Variants in MDM1 observed in about 807,000 individuals in gnomAD.
MDM1 encodes Mdm1 nuclear protein.
A neutral mutation model predicts 89.1 loss-of-function variants in MDM1; 61 were observed. That is an observed-to-expected ratio of 0.68 (90% confidence interval 0.56 to 0.85). The LOEUF (loss-of-function observed/expected upper bound fraction) is 0.85, where lower values mean the gene tolerates loss of function less well. Among genes scored for constraint, MDM1 ranks in the 40% least tolerant of loss-of-function variants. The pLI is 0.00. For synonymous variants in MDM1, 290 were observed against 294.1 expected (o/e 0.99, Z 0.14); for missense variants, 820 against 846.5 (o/e 0.97, Z 0.39).
chr12:68,326,750 T>C lies in MDM1; in HGVS notation c.405A>G (p.Glu135=), dbSNP rs1181281382. 2.5e-6 allele frequency: 4 copies of C among 1,614,028 alleles called. No individual in the cohort carries two copies. Among genetic ancestry groups the C allele is most frequent in the Non-Finnish European group, 3.4e-6 (4 of 1,180,016 alleles). ...TATGGTTTGTTACACCCTCATTATTTTCCACATCTGAAGCCCCTTCAGCTC... is the reference window on the plus strand; with the variant it reads ...TATGGTTTGTTACACCCTCATTATTCTCCACATCTGAAGCCCCTTCAGCTC... ...DSRAEGASDV[E]NNEGVTNHTP... The change falls in exon 3 of 15, where the codon GAA becomes GAG. Residue 135 remains glutamate (E), a synonymous_variant. Transcript: ENST00000682720.
rs1876081817 is a variant in MDM1, at chr12:68,326,919, T to C, written c.236A>G (p.Asn79Ser). The part of the protein sequence containing the change: ...LEWNGAISES[N>S]VVASPEPEAP... ...TTCTGGTTCTGGTGATGCAACCACA[T>C]TGCTCTCTGAGATAGCTCCATTCCA... Residue 79 changes from asparagine to serine, a missense_variant, in exon 3 of 15, where the codon AAT becomes AGT. Physicochemically the swap from Asn to Ser is conservative, Grantham distance 46 (BLOSUM62 1). Transcript: ENST00000682720. The C allele has an allele frequency of 1.2e-6, 2 of 1,614,012 alleles. No homozygotes were observed. Among genetic ancestry groups the C allele is most frequent in the South Asian group, 1.1e-5 (1 of 91,086 alleles).
At chr12:68,326,506 T>A (rs546648248) in intron 3 of MDM1, 151 bp downstream of exon 3, 1 of 1,550,298 alleles carries the variant, frequency 6.5e-7, no homozygotes, top group South Asian at 1.2e-5. Context: ...ATAACTAAAG[T>A]CAACAGCCTG....
chr12:68,321,393 T>C lies in MDM1; in HGVS notation c.959A>G (p.Tyr320Cys), dbSNP rs776183237. 3.1e-6 allele frequency: 5 copies of C among 1,613,930 alleles called. No individual in the cohort carries two copies. In the Admixed American group the frequency reaches 6.7e-5, roughly 22 times the overall value. The change falls in exon 7 of 15, where the codon TAT (tyrosine) becomes TGT (cysteine). Residue 320 changes from tyrosine to cysteine, a missense_variant. Physicochemically the swap from Tyr to Cys is radical, Grantham distance 194 (BLOSUM62 -2). Coordinates refer to ENST00000682720, the MANE Select transcript of MDM1 (RefSeq NM_001354969.2). The stretch of plus-strand genomic sequence containing the variant: ...TACATGTGTCCAAGCCCCAGCTTTA[T>C]ATAAATACTGAGCTGGGCTCAGAAA... ...AKFLSPAQYL[Y>C]KAGAWTHVKG...
intron 13 of MDM1, among the ~76,000 whole-genome samples, chr12:68,297,195 T>C (rs1293308106): frequency 6.6e-6 from 1 of 152,234 alleles, no homozygotes; most frequent in African/African-American, 2.4e-5. Flanking sequence ...TCATAATTTA[T>C]AATGCACTTA....
Position 68,299,388 on chromosome 12 carries a change from A to T in MDM1, c.2003-2406T>A, listed in dbSNP as rs949054834. On this transcript the variant is annotated intron_variant, in intron 13 of 14. Coordinates refer to ENST00000682720, the MANE Select transcript of MDM1 (RefSeq NM_001354969.2). ...AGGTGAAAACCAACATAAAGAAATT[A>T]AAAAAAAATTCAGGATATGAATGAA... Among the ~76,000 whole-genome samples the T allele has an allele frequency of 9.9e-5, 15 of 151,868 alleles. 1 individual carries two copies. The highest frequency in any genetic ancestry group is 4.2e-4 in the South Asian group (2 of 4,802).
intron 7 of MDM1, among the ~76,000 whole-genome samples, chr12:68,317,389 G>C (rs1009313312): frequency 2.6e-5 from 4 of 151,410 alleles, no homozygotes; most frequent in African/African-American, 9.7e-5. Context: ...CTTTATTCTA[G>C]AATTGCTTTT....
chr12:68,319,607 T>A (rs1220063502), intron 7 of MDM1, among the ~76,000 whole-genome samples: 3 of 152,176 alleles, frequency 2.0e-5, no homozygotes, highest in African/African-American at 7.2e-5. Context: ...ATATTAAATG[T>A]CTATAACCTG....
intron 4 of MDM1, among the ~76,000 whole-genome samples, chr12:68,323,826 T>C (rs1389601096): frequency 6.6e-6 from 1 of 152,190 alleles, no homozygotes; most frequent in Non-Finnish European, 1.5e-5. Flanking sequence ...AGTCAAGTTA[T>C]ATTACTGCTT....
In MDM1 at chr12:68,313,385, C is replaced by T. The variant is rs1039753180; in HGVS notation, c.1749+58G>A. 7.7e-6 allele frequency: 9 copies of T among 1,161,672 alleles called. No homozygotes were observed. In the East Asian group the frequency reaches 9.3e-5, roughly 12 times the overall value. 72.0% of individuals were successfully genotyped at this position (1,161,672 alleles called of 1,614,324 possible). A position where few individuals can be genotyped will look rare whatever the true frequency, so the allele number is the denominator to read the frequency against. On this transcript the variant is annotated intron_variant, in intron 12 of 14. Coordinates refer to ENST00000682720, the MANE Select transcript of MDM1 (RefSeq NM_001354969.2). Reference sequence around the variant, plus strand: ...ATCTTAACCCATCATTCATTTATTACATGTGTCTACAATAATTAGTCCTAG... The same window carrying T: ...ATCTTAACCCATCATTCATTTATTATATGTGTCTACAATAATTAGTCCTAG...
chr12:68,314,290 T>C (rs1874161540), intron 10 of MDM1, among the ~76,000 whole-genome samples: 1 of 151,854 alleles, frequency 6.6e-6, no homozygotes. Flanking sequence ...GAAAAAATAA[T>C]ATAAGCTATA....
chr12:68,322,850 C>G (rs1367800845), intron 5 of MDM1, among the ~76,000 whole-genome samples: 2 of 152,142 alleles, frequency 1.3e-5, no homozygotes, highest in Admixed American at 1.3e-4. Flanking sequence ...TTATGTCTGT[C>G]TCCCCACTAG....
intron 13 of MDM1, among the ~76,000 whole-genome samples, chr12:68,300,384 T>A (rs957716697): frequency 1.3e-5 from 2 of 152,098 alleles, no homozygotes; most frequent in Non-Finnish European, 2.9e-5. Flanking sequence ...ATTTAAAAGA[T>A]ATGGAATGGC....
intron 12 of MDM1, among the ~76,000 whole-genome samples, 165 bp from the exon 13 acceptor site, chr12:68,303,037 C>T (rs1241310239): frequency 2.6e-5 from 4 of 151,814 alleles, no homozygotes; most frequent in Non-Finnish European, 5.9e-5. Context: ...ACAAACAGAC[C>T]TGGCTATATA....
At chr12:68,328,216 T>C (rs927942387) in intron 2 of MDM1, among the ~76,000 whole-genome samples, 2 of 152,234 alleles carry the variant, frequency 1.3e-5, no homozygotes, top group African/African-American at 4.8e-5. Context: ...AGGCAGAGAT[T>C]AGAAATAACA....
chr12:68,323,287 G>A lies in MDM1; in HGVS notation c.634-47C>T, dbSNP rs771003792. The A allele has an allele frequency of 2.7e-5, 38 of 1,384,536 alleles. No homozygotes were observed. In the East Asian group the frequency reaches 3.5e-4, roughly 13 times the overall value. The allele number at this position is 1,384,536 out of a possible 1,614,324, so 85.8% of individuals were successfully genotyped here. A position where few individuals can be genotyped will look rare whatever the true frequency, so the allele number is the denominator to read the frequency against. ...GTTTAGTTTTGTTGATTAAATATGC[G>A]GAACTTTGGTCTTCAATTACTTAAC... On this transcript the variant is annotated intron_variant, in intron 4 of 14. Coordinates refer to ENST00000682720, the MANE Select transcript of MDM1 (RefSeq NM_001354969.2).
chr12:68,325,719 C>A, intron 3 of MDM1, 144 bp from the exon 4 acceptor site: 2 of 1,288,126 alleles, frequency 1.6e-6, no homozygotes, highest in East Asian at 3.0e-5. Context: ...ACTACATGCG[C>A]ATTGTGGTAC....
intron 4 of MDM1, among the ~76,000 whole-genome samples, chr12:68,324,021 C>A (rs1250995965): frequency 6.6e-6 from 1 of 152,112 alleles, no homozygotes; most frequent in African/African-American, 2.4e-5. Context: ...TAGAGGTTTC[C>A]TATCAACAAG....
chr12:68,328,416 C>G (rs537428453), intron 2 of MDM1, among the ~76,000 whole-genome samples: 10 of 152,206 alleles, frequency 6.6e-5, no homozygotes, highest in Non-Finnish European at 1.5e-4. Flanking sequence ...CCAATGAATA[C>G]TGACTTTGCC....
At chr12:68,314,838 G>T in intron 10 of MDM1, 110 bp downstream of exon 10, 1 of 929,016 alleles carries the variant, frequency 1.1e-6, no homozygotes, top group Non-Finnish European at 1.6e-6. Context: ...AATAAAATCT[G>T]CAATTTATTA....
Sources: allele counts gnomAD v4.1 joint callset (sites outside exome capture counted in the v4.1 genomes callset), GRCh38; gene constraint gnomAD v4.1.1; transcripts MANE v1.5; gene names NCBI Gene and HGNC (gene_info 2026-07-23, HGNC 2026-07-21).